Variants in HIPK3 observed in about 807,000 individuals in gnomAD.
HIPK3 encodes homeodomain interacting protein kinase 3.
Under a neutral mutation model 124.2 loss-of-function variants are expected in HIPK3, and 47 were observed. The ratio of observed to expected loss-of-function variants is 0.38; its 90% CI spans 0.30 to 0.48. The LOEUF (loss-of-function observed/expected upper bound fraction) is 0.48. Among genes scored for constraint, HIPK3 ranks in the 20% least tolerant of loss-of-function variants. HIPK3 has a pLI of 0.98. For missense variants in HIPK3, 1,286 were observed against 1,454.3 expected, an observed-to-expected ratio of 0.88 and a Z score of 1.88; for synonymous variants, 482 against 515.2, an observed-to-expected ratio of 0.94 and a Z score of 0.87.
chr11:33,286,489 A>G lies in HIPK3; in HGVS notation c.75A>G (p.Lys25=), dbSNP rs1052463371. ...CAAGTGCCTTTTGTAGTGTGAAGAA[A>G]CTCAAAGTAGAGCCAAGCAGTTGTG... ...TQSSAFCSVK[K]LKVEPSSCVF... is the part of the protein sequence containing the mutation. The change falls in exon 2 of 17, where the codon AAA becomes AAG. Residue 25 remains lysine (K), a synonymous_variant. Transcript: ENST00000303296. 11 of 1,612,896 alleles carry G rather than the reference A, an allele frequency of 6.8e-6. No homozygotes were observed. The East Asian group carries it at 1.1e-4, about 16-fold the overall frequency.
intron 3 of HIPK3, among the ~76,000 whole-genome samples, chr11:33,332,036 G>A (rs1235710562): frequency 6.6e-6 from 1 of 152,138 alleles, no homozygotes; most frequent in Non-Finnish European, 1.5e-5. Context: ...TGCAATAACA[G>A]GCACGAGCCA....
intron 3 of HIPK3, among the ~76,000 whole-genome samples, chr11:33,331,481 C>G (rs147408765): frequency 2.8e-4 from 43 of 152,240 alleles, no homozygotes; most frequent in Non-Finnish European, 2.4e-4. Context: ...TCGAGGAATC[C>G]TCCTACCTCA....
intron 5 of HIPK3, 145 bp downstream of exon 5, chr11:33,338,988 T>G: frequency 3.8e-6 from 2 of 531,610 alleles, no homozygotes; most frequent in Admixed American, 3.3e-5. Flanking sequence ...TGATTCTATT[T>G]TCAACCTTTC....
Position 33,349,326 on chromosome 11 carries a change from G to A in HIPK3, c.2807+39G>A, listed in dbSNP as rs754484604. ...AATAGTAGTGTGTAATAAATAGTAA[G>A]TCTACTAAAAAGCCTACGATTTCTT... On this transcript the variant is annotated intron_variant, in intron 14 of 16. Transcript: ENST00000303296. The A allele has an allele frequency of 7.8e-6, 12 of 1,537,520 alleles. 1 individual carries two copies. In the South Asian group the frequency reaches 1.1e-4, roughly 14 times the overall value.
chr11:33,267,518 C>T (rs2759245), intron 1 of HIPK3, among the ~76,000 whole-genome samples: 2,098 of 150,770 alleles, frequency 0.014, 52 homozygotes, highest in African/African-American at 0.048. Flanking sequence ...TTTTTTGAGA[C>T]GGAGTCTCGC....
chr11:33,290,653 A>G (rs1202100091), intron 2 of HIPK3, among the ~76,000 whole-genome samples: 2 of 124,754 alleles, frequency 1.6e-5, no homozygotes, highest in Non-Finnish European at 3.4e-5. Context: ...TTTTTTTTTT[A>G]ATACTTGAGA....
At chr11:33,351,564 G>A (rs1853657471) in intron 14 of HIPK3, 44 bp from the exon 15 acceptor site, 2 of 1,389,076 alleles carry the variant, frequency 1.4e-6, no homozygotes, top group African/African-American at 1.4e-5. Flanking sequence ...TAGATTTAAT[G>A]TTGGAAAAAA....
rs1239069762 is a variant in HIPK3 at position 33,257,644 on chromosome 11, C to T, written c.-248C>T. ...TCCCCGGGAAGGAAGATGAGGGAGA[C>T]GGGCCCGGCGCTTAGCAGCCAGAGC... is the stretch of plus-strand genomic sequence containing the variant. On this transcript the variant is annotated 5_prime_UTR_variant, in exon 1 of 17. In the 5' UTR this introduces an upstream ATG that the reference lacks. Transcript: ENST00000303296. 2 of 990,634 alleles carry T rather than the reference C, an allele frequency of 2.0e-6. No homozygotes were observed. Among genetic ancestry groups the T allele is most frequent in the Non-Finnish European group, 2.4e-6 (2 of 833,646 alleles). 61.4% of individuals were successfully genotyped at this position (990,634 alleles called of 1,614,324 possible).
At chr11:33,323,864 CTG>C (rs1852735074) in intron 2 of HIPK3, among the ~76,000 whole-genome samples, 1 of 152,156 alleles carries the variant, frequency 6.6e-6, no homozygotes, top group Non-Finnish European at 1.5e-5. Context: ...TACCTTCTAA[CTG>C]TGAGTTATTA....
At chr11:33,258,710 T>A in intron 1 of HIPK3, 1 of 985,292 alleles carries the variant, frequency 1.0e-6, no homozygotes, top group Middle Eastern at 5.2e-4. Context: ...TCTCGGGGAA[T>A]CCTGTTGTTC....
intron 4 of HIPK3, 32 bp downstream of exon 4, chr11:33,337,226 ACTAGTTTTCTAAGATGC>A (rs781355529): frequency 8.2e-5 from 112 of 1,367,498 alleles, no homozygotes; most frequent in Non-Finnish European, 8.9e-5. Flanking sequence ...TATTTAGAAG[ACTAGTTTTCTAAGATGC>A]CTCATATGCA....
At chr11:33,328,005 C>A (rs1852860934) in intron 2 of HIPK3, among the ~76,000 whole-genome samples, 1 of 152,178 alleles carries the variant, frequency 6.6e-6, no homozygotes, top group Non-Finnish European at 1.5e-5. Context: ...TTAGTTTAAT[C>A]TCTTGGATGA....
chr11:33,294,896 A>G (rs758130161), intron 2 of HIPK3, among the ~76,000 whole-genome samples: 27 of 152,182 alleles, frequency 1.8e-4, no homozygotes, highest in Non-Finnish European at 3.8e-4. Flanking sequence ...TCAGTCCTTC[A>G]TCACATGTTT....
rs768818936 is a variant in HIPK3 at position 33,341,009 on chromosome 11, A to G, written c.1655A>G (p.His552Arg). The change falls in exon 7 of 17, where the codon CAC (histidine) becomes CGC (arginine). Residue 552 changes from histidine (H) to arginine (R), a missense_variant. By Grantham distance (29) the His-to-Arg change is conservative. This residue lies in a region of HIPK3 where 810 missense variants were observed against 864.9 expected (regional missense o/e 0.94). Coordinates refer to ENST00000303296, the MANE Select transcript of HIPK3 (RefSeq NM_005734.5). ...CFHIMDICKS[H>R]LNSCDTNNHN... ...CATATTATGGATATTTGTAAGTCCC[A>G]CCTAAATTCATGTGACACAAATAAT... 4.0e-5 allele frequency: 65 copies of G among 1,606,004 alleles called. No individual in the cohort carries two copies. The Admixed American group carries it at 1.1e-3, about 26-fold the overall frequency.
chr11:33,349,440 GGTTT>G (rs200722435), intron 14 of HIPK3, among the ~76,000 whole-genome samples, 153 bp downstream of exon 14: 3,659 of 152,090 alleles, frequency 0.024, 139 homozygotes, highest in African/African-American at 0.079. Context: ...TATAAACACA[GGTTT>G]GTTTGTTTGT....
At chr11:33,301,631 A>C (rs895518079) in intron 2 of HIPK3, among the ~76,000 whole-genome samples, 21 of 151,904 alleles carry the variant, frequency 1.4e-4, no homozygotes, top group South Asian at 6.3e-4. Context: ...AAAAAAAAAA[A>C]AAAAAACTTG....
intron 2 of HIPK3, among the ~76,000 whole-genome samples, chr11:33,325,265 G>A (rs1029110768): frequency 1.3e-5 from 2 of 152,080 alleles, no homozygotes; most frequent in African/African-American, 4.8e-5. Context: ...TCTTTAAGTG[G>A]TATATCTTAG....
chr11:33,319,931 C>T (rs1021288553), intron 2 of HIPK3, among the ~76,000 whole-genome samples: 13 of 152,134 alleles, frequency 8.5e-5, no homozygotes, highest in African/African-American at 2.9e-4. Context: ...AGGGTTTACT[C>T]TTCTATTTAA....
chr11:33,331,033 G>A (rs1420681547), intron 3 of HIPK3, among the ~76,000 whole-genome samples: 2 of 151,950 alleles, frequency 1.3e-5, no homozygotes, highest in South Asian at 2.1e-4. Flanking sequence ...ACAGGTGTGT[G>A]CCACCATGCC....
Sources: gnomAD v4.1 joint callset for allele counts (sites outside exome capture counted in the v4.1 genomes callset) on GRCh38, gnomAD v4.1.1 for gene constraint, gnomAD v4.1.1 regional missense constraint, MANE v1.5 for transcripts, NCBI Gene and HGNC (gene_info 2026-07-23, HGNC 2026-07-21) for gene names.